The following UBASH3B variants were observed in gnomAD, a reference collection of about 807,000 sequenced individuals.
The protein encoded by UBASH3B is ubiquitin-associated and SH3 domain-containing protein B.
Under a neutral mutation model 83.4 loss-of-function variants are expected in UBASH3B, and 37 were observed. That is an observed-to-expected ratio of 0.44 (90% CI 0.34 to 0.58). UBASH3B has a LOEUF of 0.58. Ranked by LOEUF, UBASH3B falls within the 20% of genes least tolerant of loss-of-function variation. The pLI is 0.01. For synonymous variants in UBASH3B, 304 were observed against 318.3 expected, an observed-to-expected ratio of 0.96 and a Z score of 0.48; for missense variants, 657 against 827.2, an observed-to-expected ratio of 0.79 and a Z score of 2.52.
intron 1 of UBASH3B, among the ~76,000 whole-genome samples, chr11:122,697,561 G>A (rs1279545500): frequency 6.6e-6 from 1 of 152,206 alleles, no homozygotes; most frequent in Non-Finnish European, 1.5e-5. Context: ...GATTTCTAGT[G>A]ACTGAGGGCG....
chr11:122,664,422 G>GAAGAATGAGAT (rs61377406), intron 1 of UBASH3B, among the ~76,000 whole-genome samples: 51,068 of 151,662 alleles, frequency 0.34, 8,821 homozygotes, highest in Non-Finnish European at 0.38. Context: ...GCCATTGCCA[G>GAAGAATGAGAT]AAGAATGAGA....
intron 1 of UBASH3B, among the ~76,000 whole-genome samples, chr11:122,693,871 G>T (rs1224874241): frequency 6.6e-6 from 1 of 151,802 alleles, no homozygotes; most frequent in African/African-American, 2.4e-5. Context: ...ACTCTGTCTC[G>T]AAAAAAATAA....
intron 1 of UBASH3B, among the ~76,000 whole-genome samples, chr11:122,722,620 G>C (rs1201946785): frequency 6.6e-6 from 1 of 152,140 alleles, no homozygotes; most frequent in Admixed American, 6.6e-5. Context: ...AATATCCATA[G>C]TGAAGTTACA....
At chr11:122,716,651 G>A (rs936552936) in intron 1 of UBASH3B, among the ~76,000 whole-genome samples, 1 of 152,152 alleles carries the variant, frequency 6.6e-6, no homozygotes, top group Non-Finnish European at 1.5e-5. Flanking sequence ...AGAGCTTTCA[G>A]TCTGCCCCGC....
intron 1 of UBASH3B, among the ~76,000 whole-genome samples, chr11:122,700,696 C>T (rs1479490562): frequency 2.0e-5 from 3 of 152,084 alleles, no homozygotes; most frequent in Non-Finnish European, 4.4e-5. Context: ...GGGGTTTCAC[C>T]ATGTTGGTCA....
chr11:122,687,332 T>G (rs1863822167), intron 1 of UBASH3B, among the ~76,000 whole-genome samples: 1 of 152,198 alleles, frequency 6.6e-6, no homozygotes, highest in African/African-American at 2.4e-5. Flanking sequence ...AAGTATGAAA[T>G]AGCTGGCAAC....
intron 1 of UBASH3B, among the ~76,000 whole-genome samples, chr11:122,719,199 G>A (rs1026054991): frequency 6.6e-6 from 1 of 152,152 alleles, no homozygotes; most frequent in African/African-American, 2.4e-5. Context: ...CTAAGACCAC[G>A]CGGCTAATAA....
intron 6 of UBASH3B, among the ~76,000 whole-genome samples, chr11:122,794,345 AC>A (rs1861114444): frequency 6.6e-6 from 1 of 152,132 alleles, no homozygotes; most frequent in Non-Finnish European, 1.5e-5. Context: ...AGCTGGGACT[AC>A]AGGCACGCAC....
intron 4 of UBASH3B, among the ~76,000 whole-genome samples, chr11:122,781,790 T>C (rs997848396): frequency 6.6e-6 from 1 of 152,248 alleles, no homozygotes; most frequent in African/African-American, 2.4e-5. Flanking sequence ...GATTCATTCA[T>C]GTGCATTTAT....
chr11:122,671,463 G>A (rs1234620956), intron 1 of UBASH3B, among the ~76,000 whole-genome samples: 4 of 152,242 alleles, frequency 2.6e-5, no homozygotes, highest in African/African-American at 9.6e-5. Context: ...CCTCAGATCT[G>A]CAGCAGCTTT....
At chr11:122,728,524 T>C (rs888362230) in intron 1 of UBASH3B, among the ~76,000 whole-genome samples, 1 of 152,214 alleles carries the variant, frequency 6.6e-6, no homozygotes, top group African/African-American at 2.4e-5. Flanking sequence ...CTACTTCTCT[T>C]ATAATTATCA....
chr11:122,751,313 T>A (rs1861195335), intron 1 of UBASH3B, among the ~76,000 whole-genome samples: 3 of 152,238 alleles, frequency 2.0e-5, no homozygotes. Context: ...AGAAGCCTCC[T>A]GAATGCTCCT....
At chr11:122,798,203 G>A (rs984517679) in intron 9 of UBASH3B, among the ~76,000 whole-genome samples, 9 of 152,004 alleles carry the variant, frequency 5.9e-5, no homozygotes, top group Non-Finnish European at 1.0e-4. Flanking sequence ...ATTTTATGAG[G>A]ATAGCATTAA....
chr11:122,717,808 C>T (rs1860550473), intron 1 of UBASH3B, among the ~76,000 whole-genome samples: 2 of 152,124 alleles, frequency 1.3e-5, no homozygotes, highest in Admixed American at 1.3e-4. Context: ...CTTCCTGTTC[C>T]CTTCCCCTAC....
chr11:122,785,159 A>C (rs1227092529), intron 5 of UBASH3B, among the ~76,000 whole-genome samples: 1 of 152,196 alleles, frequency 6.6e-6, no homozygotes, highest in Admixed American at 6.5e-5. Flanking sequence ...ATTGGCATGG[A>C]AGGAAAAAGG....
At chr11:122,777,306 A>T (rs1266389045) in intron 3 of UBASH3B, 96 bp downstream of exon 3, 4 of 1,332,082 alleles carry the variant, frequency 3.0e-6, no homozygotes, top group Non-Finnish European at 4.0e-6. Flanking sequence ...GCAGGAAGAC[A>T]GCAGGAATAG....
In UBASH3B at chr11:122,796,920, T is replaced by C. The variant is rs761740272; in HGVS notation, c.1244T>C (p.Ile415Thr). Residue 415 changes from isoleucine (I) to threonine (T), a missense_variant, in exon 9 of 14, where the codon ATA (isoleucine) becomes ACA (threonine). By Grantham distance (89) the Ile-to-Thr change is moderately conservative. This residue lies in a region of UBASH3B where 573 missense variants were observed against 739.0 expected (regional missense o/e 0.78). Transcript: ENST00000284273. The part of the protein sequence containing the change: ...SQCFDAKGRY[I>T]RTNLNMPHSL... ...CCTCTTTGTTTTTCAGGCCGCTACA[T>C]ACGCACCAACCTGAACATGCCTCAT... is the stretch of plus-strand genomic sequence containing the variant. The C allele has an allele frequency of 1.2e-6, 2 of 1,614,200 alleles. No individual in the cohort carries two copies. Among genetic ancestry groups the C allele is most frequent in the Middle Eastern group, 1.6e-4 (1 of 6,062 alleles).
At chr11:122,735,128 G>C (rs1288521972) in intron 1 of UBASH3B, among the ~76,000 whole-genome samples, 3 of 152,220 alleles carry the variant, frequency 2.0e-5, no homozygotes, top group Non-Finnish European at 4.4e-5. Context: ...TTAAGAGGTT[G>C]AGTAGAGAAG....
rs1565279580 is a variant in UBASH3B at position 122,813,968 on chromosome 11, A to G, written c.*4082A>G. 2 of 152,398 alleles carry G rather than the reference A, an allele frequency of 1.3e-5. No individual in the cohort carries two copies. Among genetic ancestry groups the G allele is most frequent in the Non-Finnish European group, 2.9e-5 (2 of 68,046 alleles). 9.4% of individuals were successfully genotyped at this position (152,398 alleles called of 1,614,324 possible). A position where few individuals can be genotyped will look rare whatever the true frequency, so the allele number is the denominator to read the frequency against. ...TAGGTTTAAAATTATAGTGATGACTAGTCGAACTTAATATACAATCAGTTC... is the reference window on the plus strand; with the variant it reads ...TAGGTTTAAAATTATAGTGATGACTGGTCGAACTTAATATACAATCAGTTC... On this transcript the variant is annotated 3_prime_UTR_variant, in exon 14 of 14. Transcript: ENST00000284273.
Sources: gnomAD v4.1 joint callset for allele counts (sites outside exome capture counted in the v4.1 genomes callset) on GRCh38, gnomAD v4.1.1 for gene constraint, gnomAD v4.1.1 regional missense constraint, MANE v1.5 for transcripts, NCBI Gene and HGNC (gene_info 2026-07-23, HGNC 2026-07-21) for gene names.